The following C6orf132 variants were observed in gnomAD, a reference collection of about 807,000 sequenced individuals.
The protein encoded by C6orf132 is chromosome 6 open reading frame 132.
Under a neutral mutation model 65.3 loss-of-function variants are expected in C6orf132, and 43 were observed. The observed-to-expected ratio is 0.66, with a 90% CI of 0.52 to 0.85. The LOEUF (loss-of-function observed/expected upper bound fraction) is 0.85, where lower values mean the gene tolerates loss of function less well. C6orf132 is among the 40% of genes least tolerant of loss of function. The pLI is 0.00. For missense variants in C6orf132, 1,488 were observed against 1,548.8 expected (o/e 0.96, Z 0.66); for synonymous variants, 631 against 654.1 (o/e 0.96, Z 0.54).
intron 2 of C6orf132, among the ~76,000 whole-genome samples, chr6:42,123,663 G>A (rs1365602026): frequency 6.6e-6 from 1 of 152,132 alleles, no homozygotes; most frequent in Middle Eastern, 3.2e-3. Flanking sequence ...AGTCTTCCCT[G>A]AGAAGGAGGG....
intron 1 of C6orf132, among the ~76,000 whole-genome samples, chr6:42,136,397 G>A (rs952937452): frequency 1.2e-4 from 19 of 152,208 alleles, no homozygotes; most frequent in Non-Finnish European, 2.6e-4. Flanking sequence ...GCCCCTAAAT[G>A]ACTTCAGGAG....
At chr6:42,126,068 TTC>T (rs995048824) in intron 2 of C6orf132, among the ~76,000 whole-genome samples, 1 of 152,036 alleles carries the variant, frequency 6.6e-6, no homozygotes, top group Non-Finnish European at 1.5e-5. Flanking sequence ...AGAGAAGTAT[TTC>T]TGTTTTGTTT....
intron 2 of C6orf132, among the ~76,000 whole-genome samples, chr6:42,113,423 C>T (rs1214341497): frequency 6.6e-6 from 1 of 152,176 alleles, no homozygotes; most frequent in South Asian, 2.1e-4. Context: ...AAGAGTGTGA[C>T]CGGTGTCACC....
chr6:42,142,202 G>C (rs908216205), intron 1 of C6orf132, 98 bp downstream of exon 1: 4 of 1,355,788 alleles, frequency 3.0e-6, no homozygotes, highest in Non-Finnish European at 4.0e-6. Flanking sequence ...AGGTTCCAAC[G>C]TGTCCCTCCC....
rs1032925828 is a variant in C6orf132 at position 42,142,415 on chromosome 6, G to A, written c.30C>T (p.Thr10=). 6.4e-7 allele frequency: 1 copy of A among 1,551,280 alleles called. No homozygotes were observed. The highest frequency in any genetic ancestry group is 1.4e-5 in the African/African-American group (1 of 73,024). The part of the protein sequence containing the change: MKKKQTVQG[T]FSKLFGKKHT... ...GCTTCTTCCCGAAGAGTTTGCTGAAGGTGCCCTGCACCGTCTGCTTCTTTT... is the reference window on the plus strand; with the variant it reads ...GCTTCTTCCCGAAGAGTTTGCTGAAAGTGCCCTGCACCGTCTGCTTCTTTT... The change falls in exon 1 of 5, where the codon ACC becomes ACT. Residue 10 remains threonine, a synonymous_variant. Transcript: ENST00000341865.
intron 2 of C6orf132, among the ~76,000 whole-genome samples, chr6:42,120,270 G>A (rs1388393468): frequency 4.8e-5 from 7 of 146,898 alleles, no homozygotes; most frequent in East Asian, 2.0e-4. Context: ...TTCTTGAGAC[G>A]GAGTCTTGCT....
intron 2 of C6orf132, among the ~76,000 whole-genome samples, chr6:42,119,992 G>A (rs1766653585): frequency 6.6e-6 from 1 of 151,752 alleles, no homozygotes; most frequent in African/African-American, 2.4e-5. Context: ...TACTCAGGAG[G>A]CTGAGGCAGG....
In C6orf132 at chr6:42,106,509, T is replaced by G. The variant is rs755656492; in HGVS notation, c.1403A>C (p.Glu468Ala). 3.0e-5 allele frequency: 46 copies of G among 1,535,778 alleles called. No homozygotes were observed. The highest frequency in any genetic ancestry group is 3.7e-5 in the Non-Finnish European group (43 of 1,146,668). ...PVDWRDPSQMEKLRNELAAYL... is the reference protein window; with the variant it reads ...PVDWRDPSQMAKLRNELAAYL... ...GGCTGCCAGCTCGTTCCGCAGCTTT[T>G]CCATCTGGCTGGGGTCCCTCCAGTC... Residue 468 changes from glutamate to alanine, a missense_variant, in exon 4 of 5, where the codon GAA becomes GCA. Coordinates refer to ENST00000341865, the MANE Select transcript of C6orf132 (RefSeq NM_001164446.3).
intron 1 of C6orf132, among the ~76,000 whole-genome samples, chr6:42,139,941 T>C (rs896354477): frequency 6.6e-6 from 1 of 152,198 alleles, no homozygotes; most frequent in African/African-American, 2.4e-5. Context: ...TGCTTAGCCC[T>C]ATGTATTGAC....
intron 1 of C6orf132, among the ~76,000 whole-genome samples, chr6:42,140,042 G>C (rs1333621016): frequency 1.3e-5 from 2 of 152,246 alleles, no homozygotes; most frequent in Non-Finnish European, 2.9e-5. Flanking sequence ...AAGCAGAGCA[G>C]GGAGGACTTC....
Position 42,103,329 on chromosome 6 carries a change from G to C in C6orf132, c.*432C>G, listed in dbSNP as rs1766325905. The C allele has an allele frequency of 5.0e-6, 2 of 397,364 alleles. No homozygotes were observed. The highest frequency in any genetic ancestry group is 4.4e-5 in the Admixed American group (1 of 22,706). The allele number at this position is 397,364 out of a possible 1,614,324, so 24.6% of individuals were successfully genotyped here. Reference sequence around the variant, plus strand: ...AGAGCTGGGCCTCAGCCCTTTGCAAGGGCCTGACAGGCAATCACAGCTATC... The same window carrying C: ...AGAGCTGGGCCTCAGCCCTTTGCAACGGCCTGACAGGCAATCACAGCTATC... On this transcript the variant is annotated 3_prime_UTR_variant, in exon 5 of 5. Coordinates refer to ENST00000341865, the MANE Select transcript of C6orf132 (RefSeq NM_001164446.3).
rs1322450983 is a variant in C6orf132, at chr6:42,107,472, G to T, written c.440C>A (p.Ala147Asp). The T allele has an allele frequency of 9.7e-6, 15 of 1,544,438 alleles. No individual in the cohort carries two copies. The highest frequency in any genetic ancestry group is 9.6e-6 in the Non-Finnish European group (11 of 1,143,940). ...LLIPPPPPGP[A>D]PGPPQDISEP... ...TGAAATGTCCTGAGGGGGCCCTGGGGCTGGGCCTGGGGGAGGTGGGGGGAT... is the reference window on the plus strand; with the variant it reads ...TGAAATGTCCTGAGGGGGCCCTGGGTCTGGGCCTGGGGGAGGTGGGGGGAT... Residue 147 changes from alanine (A) to aspartate (D), a missense_variant, in exon 4 of 5, where the codon GCC (alanine) becomes GAC (aspartate). By Grantham distance (126) the Ala-to-Asp change is moderately radical (BLOSUM62 -2). Transcript: ENST00000341865.
intron 2 of C6orf132, among the ~76,000 whole-genome samples, chr6:42,128,299 G>A (rs1265332100): frequency 6.6e-6 from 1 of 152,178 alleles, no homozygotes; most frequent in Non-Finnish European, 1.5e-5. Flanking sequence ...AGCTCCTTGA[G>A]AACAGCAAGG....
rs1050328465 is a variant in C6orf132 at position 42,105,944 on chromosome 6, T to TGTA, written c.1965_1967dup (p.Thr656dup). Reference sequence around the variant, plus strand: ...CCTTGGGTGGTGTGGCTGGCCAAAGTGTAGCCTTGGGTGGTATGGCTGGCT... The same window carrying TGTA: ...CCTTGGGTGGTGTGGCTGGCCAAAGTGTAGTAGCCTTGGGTGGTATGGCTGGCT... On this transcript the variant is annotated inframe_insertion, in exon 4 of 5. Transcript: ENST00000341865. 5.9e-6 allele frequency: 9 copies of TGTA among 1,536,854 alleles called. No homozygotes were observed. Among genetic ancestry groups the TGTA allele is most frequent in the African/African-American group, 1.4e-5 (1 of 72,944 alleles).
chr6:42,105,307 G>T lies in C6orf132; in HGVS notation c.2605C>A (p.Arg869Ser). Residue 869 changes from arginine to serine, a missense_variant, in exon 4 of 5, where the codon CGT (arginine) becomes AGT (serine). Physicochemically the swap from Arg to Ser is moderately radical, Grantham distance 110 (BLOSUM62 -1). Transcript: ENST00000341865. Reference protein sequence around the residue: ...LGRSSLPGSLRDHSHQAEASS... With the variant: ...LGRSSLPGSLSDHSHQAEASS... ...GCCTCGGCTTGGTGGCTGTGGTCAC[G>T]GAGACTTCCTGGCAGAGAGGACCGA... 6.5e-7 allele frequency: 1 copy of T among 1,537,024 alleles called. No homozygotes were observed. Among genetic ancestry groups the T allele is most frequent in the East Asian group, 2.4e-5 (1 of 40,910 alleles).
chr6:42,109,782 A>G (rs1055207747), intron 3 of C6orf132, among the ~76,000 whole-genome samples: 3 of 152,166 alleles, frequency 2.0e-5, no homozygotes, highest in African/African-American at 7.2e-5. Context: ...CAGACATGAC[A>G]TACATCCCAT....
At chr6:42,135,852 T>C (rs1027970507) in intron 1 of C6orf132, among the ~76,000 whole-genome samples, 10 of 152,354 alleles carry the variant, frequency 6.6e-5, no homozygotes, top group African/African-American at 2.2e-4. Context: ...CTTGCCCAAG[T>C]TCCCACAGCT....
chr6:42,129,834 CCCAGTTAG>C (rs1387388640), intron 1 of C6orf132, among the ~76,000 whole-genome samples: 4 of 152,222 alleles, frequency 2.6e-5, no homozygotes, highest in African/African-American at 9.6e-5. Context: ...AGGTTAGAAT[CCCAGTTAG>C]CCAGAAGTCT....
chr6:42,122,032 G>A lies in C6orf132; in HGVS notation c.252+6640C>T, dbSNP rs75963624. 9.4e-3 allele frequency among the ~76,000 whole-genome samples: 1,434 copies of A among 152,290 alleles called. 12 individuals carry two copies. Among genetic ancestry groups the A allele is most frequent in the South Asian group, 0.012 (58 of 4,826 alleles). ...AGAAAGGCTGTGTGTATCCTGCAGA[G>A]CAGCTATGAAGTTGGGAGCCAGTGA... On this transcript the variant is annotated intron_variant, in intron 2 of 4. Coordinates refer to ENST00000341865, the MANE Select transcript of C6orf132 (RefSeq NM_001164446.3).
Sources: gnomAD v4.1 joint callset for allele counts (sites outside exome capture counted in the v4.1 genomes callset) on GRCh38, gnomAD v4.1.1 for gene constraint, MANE v1.5 for transcripts, NCBI Gene and HGNC (gene_info 2026-07-23, HGNC 2026-07-21) for gene names.